MAGI1: variants seen among roughly 807,000 people sequenced by gnomAD.
MAGI1 encodes membrane associated guanylate kinase, WW and PDZ domain containing 1, also known as membrane-associated guanylate kinase, WW and PDZ domain-containing protein 1.
Under a neutral mutation model 139.9 loss-of-function variants are expected in MAGI1, and 58 were observed. That is an observed-to-expected ratio of 0.41 (90% CI 0.34 to 0.52). MAGI1 has a LOEUF of 0.52. MAGI1 is among the 20% of genes least tolerant of loss of function. The pLI, the probability that MAGI1 is intolerant of heterozygous loss-of-function variation, is 0.12. For missense variants in MAGI1, 1,874 were observed against 1,901.6 expected (o/e 0.99, Z 0.27); for synonymous variants, 812 against 737.9 (o/e 1.10, Z -1.63).
At chr3:65,524,275 A>C (rs2078289154) in intron 2 of MAGI1, among the ~76,000 whole-genome samples, 1 of 152,154 alleles carries the variant, frequency 6.6e-6, no homozygotes, top group Non-Finnish European at 1.5e-5. Context: ...GAAACGATGG[A>C]GTCTCTCATA....
chr3:65,599,478 C>T (rs1167125816), intron 2 of MAGI1, among the ~76,000 whole-genome samples: 2 of 152,172 alleles, frequency 1.3e-5, no homozygotes, highest in African/African-American at 4.8e-5. Flanking sequence ...GGTCAAAAGA[C>T]TCAATACTGG....
At chr3:65,894,413 T>C (rs769608099) in intron 1 of MAGI1, among the ~76,000 whole-genome samples, 2 of 152,178 alleles carry the variant, frequency 1.3e-5, no homozygotes, top group East Asian at 1.9e-4. Flanking sequence ...CTAGGACACA[T>C]CCATCTTTTA....
intron 12 of MAGI1, among the ~76,000 whole-genome samples, chr3:65,407,423 G>A (rs1273455515): frequency 6.6e-6 from 1 of 151,142 alleles, no homozygotes; most frequent in Non-Finnish European, 1.5e-5. Context: ...CTCCAGCTTG[G>A]GCGACAGAGT....
At chr3:65,980,877 G>A (rs180882507) in intron 1 of MAGI1, among the ~76,000 whole-genome samples, 7 of 152,046 alleles carry the variant, frequency 4.6e-5, no homozygotes, top group South Asian at 4.2e-4. Context: ...TTAATTTCCC[G>A]GCCAGGTGCA....
At chr3:65,573,485 C>A (rs1292075583) in intron 2 of MAGI1, among the ~76,000 whole-genome samples, 1 of 151,738 alleles carries the variant, frequency 6.6e-6, no homozygotes, top group Admixed American at 6.6e-5. Context: ...TCCACATAGT[C>A]CTCTCAGTAG....
intron 1 of MAGI1, among the ~76,000 whole-genome samples, chr3:66,034,367 T>C (rs1196354066): frequency 6.6e-6 from 1 of 152,178 alleles, no homozygotes; most frequent in Non-Finnish European, 1.5e-5. Flanking sequence ...GGTATGACCC[T>C]TGGAAAAGTT....
chr3:65,386,358 A>T (rs1943450410), intron 14 of MAGI1, among the ~76,000 whole-genome samples: 2 of 152,202 alleles, frequency 1.3e-5, no homozygotes, highest in Admixed American at 6.5e-5. Flanking sequence ...AGGGATGTTA[A>T]AGACACAAGA....
chr3:65,849,597 G>GT (rs2059137900), intron 1 of MAGI1, among the ~76,000 whole-genome samples: 1 of 151,480 alleles, frequency 6.6e-6, no homozygotes, highest in African/African-American at 2.4e-5. Flanking sequence ...GTCTGTTATT[G>GT]TTAGATGTCT....
At chr3:65,957,531 A>AG (rs2064190839) in intron 1 of MAGI1, among the ~76,000 whole-genome samples, 2 of 133,050 alleles carry the variant, frequency 1.5e-5, no homozygotes, top group East Asian at 4.6e-4. Flanking sequence ...AAAAAAAAAA[A>AG]AAAGAAAAAG....
At chr3:65,892,118 A>G (rs71306789) in intron 1 of MAGI1, among the ~76,000 whole-genome samples, 2,816 of 151,640 alleles carry the variant, frequency 0.019, 40 homozygotes, top group Non-Finnish European at 0.029. Context: ...TGAAATAGCT[A>G]TTCCCCATCC....
intron 1 of MAGI1, among the ~76,000 whole-genome samples, chr3:65,825,808 T>C (rs375997414): frequency 1.3e-3 from 196 of 152,122 alleles, no homozygotes; most frequent in African/African-American, 4.0e-3. Flanking sequence ...GCCAGTATGG[T>C]GAAACCCCGT....
chr3:65,510,128 G>A (rs1021064473), intron 2 of MAGI1, among the ~76,000 whole-genome samples: 15 of 152,140 alleles, frequency 9.9e-5, no homozygotes, highest in African/African-American at 3.6e-4. Flanking sequence ...AAACAGAAAG[G>A]ACACCCACAC....
chr3:65,713,093 G>C (rs1046137381), intron 1 of MAGI1, among the ~76,000 whole-genome samples: 1 of 152,192 alleles, frequency 6.6e-6, no homozygotes, highest in African/African-American at 2.4e-5. Context: ...CCTAGAGAGA[G>C]AATAGCTTTC....
intron 1 of MAGI1, among the ~76,000 whole-genome samples, chr3:66,006,237 T>A (rs1237887656): frequency 1.3e-5 from 2 of 152,202 alleles, no homozygotes; most frequent in African/African-American, 2.4e-5. Flanking sequence ...GGCTGCTATA[T>A]GAATAATGTC....
chr3:65,442,703 C>T, intron 8 of MAGI1, 89 bp downstream of exon 8: 1 of 871,026 alleles, frequency 1.1e-6, no homozygotes, highest in Non-Finnish European at 1.8e-6. Context: ...TGGTTTGTGC[C>T]TTATAATGAT....
chr3:65,692,814 G>C (rs2088798387), intron 1 of MAGI1, among the ~76,000 whole-genome samples: 1 of 152,112 alleles, frequency 6.6e-6, no homozygotes, highest in African/African-American at 2.4e-5. Context: ...GCCATGTTAT[G>C]TCCCGAGCCA....
intron 1 of MAGI1, among the ~76,000 whole-genome samples, chr3:65,817,610 T>G (rs2041685504): frequency 6.6e-6 from 1 of 152,212 alleles, no homozygotes; most frequent in African/African-American, 2.4e-5. Context: ...TGAAGCCAGG[T>G]TAACAACTGA....
At chr3:65,568,441 T>C (rs2080782784) in intron 2 of MAGI1, among the ~76,000 whole-genome samples, 2 of 152,154 alleles carry the variant, frequency 1.3e-5, no homozygotes, top group African/African-American at 2.4e-5. Context: ...CACATAATAG[T>C]GTCAACTTGG....
rs75796716 is a variant in MAGI1 at position 65,539,906 on chromosome 3, G to T, written c.431-46275C>A. 4.2e-3 allele frequency among the ~76,000 whole-genome samples: 637 copies of T among 152,286 alleles called. 12 individuals are homozygous for T. Among genetic ancestry groups the T allele is most frequent in the East Asian group, 0.041 (212 of 5,172 alleles). ...CCTAGGCTTCTCAGTCCTTGCTAATGATAGGTTTCCAGGGGCTTTAAACAA... is the reference window on the plus strand; with the variant it reads ...CCTAGGCTTCTCAGTCCTTGCTAATTATAGGTTTCCAGGGGCTTTAAACAA... On this transcript the variant is annotated intron_variant, in intron 2 of 22. Transcript: ENST00000402939.
Sources: allele counts gnomAD v4.1 joint callset (sites outside exome capture counted in the v4.1 genomes callset), GRCh38; gene constraint gnomAD v4.1.1; transcripts MANE v1.5; gene names NCBI Gene and HGNC (gene_info 2026-07-23, HGNC 2026-07-21).